The following ZC3H6 variants were observed in gnomAD, a reference collection of about 807,000 sequenced individuals.
The protein encoded by ZC3H6 is zinc finger CCCH-type containing 6, also known as zinc finger CCCH domain-containing protein 6.
In ZC3H6, 40 loss-of-function variants were observed where a neutral mutation model predicts 107.7. The observed-to-expected ratio is 0.37, with a 90% confidence interval of 0.29 to 0.48. ZC3H6 has a LOEUF of 0.48. Among genes scored for constraint, ZC3H6 ranks in the 20% least tolerant of loss-of-function variants. ZC3H6 has a pLI of 0.98. For synonymous variants in ZC3H6, 493 were observed against 487.9 expected (o/e 1.01, Z -0.14); for missense variants, 1,267 against 1,410.4 (o/e 0.90, Z 1.63).
intron 1 of ZC3H6, among the ~76,000 whole-genome samples, chr2:112,291,980 G>A (rs1201080247): frequency 6.6e-6 from 1 of 152,248 alleles, no homozygotes; most frequent in African/African-American, 2.4e-5. Flanking sequence ...GGCCTCCGAA[G>A]TGCTGCGATT....
chr2:112,305,867 C>G (rs922245071), intron 3 of ZC3H6, among the ~76,000 whole-genome samples: 2 of 152,104 alleles, frequency 1.3e-5, no homozygotes, highest in African/African-American at 2.4e-5. Flanking sequence ...CATCCAGATT[C>G]CCCAGTTAAC....
chr2:112,278,951 C>T (rs1185950400), intron 1 of ZC3H6, among the ~76,000 whole-genome samples: 10 of 152,124 alleles, frequency 6.6e-5, no homozygotes, highest in Non-Finnish European at 4.4e-5. Flanking sequence ...ACATTTTGCA[C>T]AAGATTGTTT....
At chr2:112,307,472 G>C (rs1676497610) in intron 3 of ZC3H6, among the ~76,000 whole-genome samples, 1 of 152,016 alleles carries the variant, frequency 6.6e-6, no homozygotes, top group South Asian at 2.1e-4. Flanking sequence ...ATCTATTTTT[G>C]TGGAATTTGT....
At chr2:112,322,517 AG>A (rs1676822962) in intron 8 of ZC3H6, 131 bp from the exon 9 acceptor site, 2 of 999,570 alleles carry the variant, frequency 2.0e-6, no homozygotes, top group African/African-American at 1.6e-5. Flanking sequence ...TTGAGATTAA[AG>A]GCGTGAGCCA....
At chr2:112,306,795 T>G (rs1573956635) in intron 3 of ZC3H6, among the ~76,000 whole-genome samples, 1 of 152,156 alleles carries the variant, frequency 6.6e-6, no homozygotes, top group East Asian at 1.9e-4. Flanking sequence ...TTTACTAAGC[T>G]TCCACCTTTT....
intron 11 of ZC3H6, among the ~76,000 whole-genome samples, chr2:112,329,046 A>T (rs1486216521): frequency 6.6e-6 from 1 of 152,036 alleles, no homozygotes; most frequent in Non-Finnish European, 1.5e-5. Flanking sequence ...CTATAATGTT[A>T]TATAATTGGT....
chr2:112,313,268 T>C (rs1676625672), intron 5 of ZC3H6, among the ~76,000 whole-genome samples: 1 of 152,194 alleles, frequency 6.6e-6, no homozygotes, highest in African/African-American at 2.4e-5. Context: ...GGAATTACTA[T>C]GGTTATTATT....
intron 3 of ZC3H6, among the ~76,000 whole-genome samples, chr2:112,309,220 A>G (rs866801897): frequency 2.0e-5 from 3 of 152,202 alleles, no homozygotes; most frequent in African/African-American, 7.2e-5. Flanking sequence ...GTGAATAGAG[A>G]CAGACCTGAA....
chr2:112,310,244 T>C, intron 4 of ZC3H6, 83 bp downstream of exon 4: 1 of 1,355,934 alleles, frequency 7.4e-7, no homozygotes, highest in East Asian at 2.4e-5. Context: ...TAGAAACTTA[T>C]CCCTGTTCAA....
intron 1 of ZC3H6, 146 bp from the exon 2 acceptor site, chr2:112,299,703 A>G: frequency 2.1e-6 from 1 of 468,038 alleles, no homozygotes; most frequent in Non-Finnish European, 3.6e-6. Flanking sequence ...AATATTTACT[A>G]TCTGGGCCTT....
intron 1 of ZC3H6, among the ~76,000 whole-genome samples, chr2:112,290,948 A>G (rs1676101211): frequency 1.3e-5 from 1 of 79,178 alleles, no homozygotes; most frequent in South Asian, 3.7e-4. Context: ...TATATCAGGT[A>G]ATATCATCAG....
At chr2:112,295,293 TG>T (rs1676211556) in intron 1 of ZC3H6, among the ~76,000 whole-genome samples, 1 of 152,172 alleles carries the variant, frequency 6.6e-6, no homozygotes, top group Non-Finnish European at 1.5e-5. Context: ...TATAATTAAT[TG>T]ACTGAGGAAC....
chr2:112,325,684 T>G (rs369371158), intron 11 of ZC3H6, among the ~76,000 whole-genome samples: 4 of 151,966 alleles, frequency 2.6e-5, no homozygotes, highest in South Asian at 4.1e-4. Flanking sequence ...CTGAAGAAAA[T>G]AAATAGAACA....
rs1157591767 is a variant in ZC3H6 at position 112,321,569 on chromosome 2, C to T, written c.977-187C>T. Among the ~76,000 whole-genome samples the T allele has an allele frequency of 7.9e-5, 12 of 151,944 alleles. No homozygotes were observed. In the South Asian group the frequency reaches 2.5e-3, roughly 32 times the overall value. ...TTTGTGTGTGTGTGTGTGTTAAGAA[C>T]ACTTAGCATGAGTTCTACTCCCTTA... On this transcript the variant is annotated intron_variant, in intron 7 of 11. Transcript: ENST00000409871.
At chr2:112,293,936 T>G (rs1676170989) in intron 1 of ZC3H6, among the ~76,000 whole-genome samples, 1 of 152,204 alleles carries the variant, frequency 6.6e-6, no homozygotes, top group Admixed American at 6.5e-5. Flanking sequence ...GCACTCTGGC[T>G]GAGGAACAGT....
intron 1 of ZC3H6, among the ~76,000 whole-genome samples, chr2:112,295,110 T>C (rs1676208416): frequency 6.6e-6 from 1 of 152,168 alleles, no homozygotes; most frequent in African/African-American, 2.4e-5. Context: ...ACCTGGCAAC[T>C]CCTAATCTAC....
At chr2:112,328,832 A>G (rs1432398980) in intron 11 of ZC3H6, among the ~76,000 whole-genome samples, 1 of 151,942 alleles carries the variant, frequency 6.6e-6, no homozygotes, top group Non-Finnish European at 1.5e-5. Context: ...CCAGCTACTC[A>G]GAAGGCTGAG....
rs779028801 is a variant in ZC3H6, at chr2:112,337,269, T to G, written c.*4781T>G. The G allele has an allele frequency of 7.2e-5, 11 of 152,232 alleles. No homozygotes were observed. The highest frequency in any genetic ancestry group is 2.4e-4 in the African/African-American group (10 of 41,462). 9.4% of individuals were successfully genotyped at this position (152,232 alleles called of 1,614,324 possible). On this transcript the variant is annotated 3_prime_UTR_variant, in exon 12 of 12. Coordinates refer to ENST00000409871, the MANE Select transcript of ZC3H6 (RefSeq NM_198581.3). ...TTCCTATAAAGGTCTGCAGGATTTT[T>G]TCTGTAACCAGAAAAGTAACTGCAT...
rs1677192772 is a variant in ZC3H6 at position 112,338,905 on chromosome 2, AT to A, written c.*6418del. 11 of 79,094 alleles carry A rather than the reference AT, an allele frequency of 1.4e-4. No homozygotes were observed. The highest frequency in any genetic ancestry group is 3.1e-4 in the East Asian group (1 of 3,184). The allele number at this position is 79,094 out of a possible 1,614,324, so 4.9% of individuals were successfully genotyped here. ...TATATATATATATATATATATATAT[AT>A]ATATATAATTTTTTTTTTTTGAGAC... On this transcript the variant is annotated 3_prime_UTR_variant, in exon 12 of 12. Transcript: ENST00000409871.
Sources: allele counts gnomAD v4.1 joint callset (sites outside exome capture counted in the v4.1 genomes callset), GRCh38; gene constraint gnomAD v4.1.1; transcripts MANE v1.5; gene names NCBI Gene and HGNC (gene_info 2026-07-23, HGNC 2026-07-21).